ANAPC10: variants seen among roughly 807,000 people sequenced by gnomAD.
The protein encoded by ANAPC10 is anaphase promoting complex subunit 10.
In ANAPC10, 12 loss-of-function variants were observed where a neutral mutation model predicts 22.0. The observed-to-expected ratio is 0.55, with a 90% CI of 0.35 to 0.88. ANAPC10 has a LOEUF of 0.88. Ranked by LOEUF, ANAPC10 falls within the 40% of genes least tolerant of loss-of-function variation. The pLI, the probability that ANAPC10 is intolerant of heterozygous loss-of-function variation, is 0.01. For synonymous variants in ANAPC10, 65 were observed against 69.5 expected (o/e 0.94, Z 0.32); for missense variants, 188 against 220.9 (o/e 0.85, Z 0.94).
chr4:145,091,661 T>C (rs1488864829), intron 2 of ANAPC10, among the ~76,000 whole-genome samples: 1 of 152,176 alleles, frequency 6.6e-6, no homozygotes, highest in South Asian at 2.1e-4. Flanking sequence ...TGAACATACA[T>C]GTGCATGTAT....
intron 4 of ANAPC10, among the ~76,000 whole-genome samples, chr4:145,028,214 G>A (rs1737036371): frequency 6.6e-6 from 1 of 152,160 alleles, no homozygotes; most frequent in Non-Finnish European, 1.5e-5. Flanking sequence ...GAGGAAGGCA[G>A]ATCCAGCCTT....
intron 4 of ANAPC10, among the ~76,000 whole-genome samples, chr4:144,997,638 A>G (rs1353281839): frequency 6.6e-6 from 1 of 152,240 alleles, no homozygotes; most frequent in Middle Eastern, 3.2e-3. Context: ...GCCAAATTGT[A>G]AAGACCATCA....
At position 145,034,575 on chromosome 4, in the gene ANAPC10, G is replaced by GTGTGTGTGTA. The variant is rs750027962; in HGVS notation, c.327+29996_327+29997insTACACACACA. Among the ~76,000 whole-genome samples the GTGTGTGTGTA allele has an allele frequency of 1.2e-3, 147 of 125,594 alleles. 1 individual carries two copies. Among genetic ancestry groups the GTGTGTGTGTA allele is most frequent in the African/African-American group, 4.5e-3 (132 of 29,286 alleles). The allele number at this position is 125,594 out of a possible 152,430, so 82.4% of individuals were successfully genotyped here. A position where few individuals can be genotyped will look rare whatever the true frequency, so the allele number is the denominator to read the frequency against. ...TGTGTGTGTGTGTGTGTGTGTGTGTGTATATATCCCACATACATATCCTAT... is the reference window on the plus strand; with the variant it reads ...TGTGTGTGTGTGTGTGTGTGTGTGTGTGTGTGTGTATATATATCCCACATACATATCCTAT... On this transcript the variant is annotated intron_variant, in intron 4 of 4. Transcript: ENST00000507656.
intron 4 of ANAPC10, among the ~76,000 whole-genome samples, chr4:145,058,051 C>G (rs185188943): frequency 6.6e-6 from 1 of 152,152 alleles, no homozygotes; most frequent in Non-Finnish European, 1.5e-5. Context: ...TCTGCCATTA[C>G]GTACAATCTG....
At chr4:145,027,841 G>GA (rs1736985332) in intron 4 of ANAPC10, among the ~76,000 whole-genome samples, 1 of 152,140 alleles carries the variant, frequency 6.6e-6, no homozygotes, top group South Asian at 2.1e-4. Context: ...CCATGTGGAG[G>GA]ATGTAGTCCA....
chr4:144,997,838 C>G (rs1190939864), intron 4 of ANAPC10, among the ~76,000 whole-genome samples: 7 of 152,132 alleles, frequency 4.6e-5, no homozygotes, highest in Non-Finnish European at 1.0e-4. Context: ...GGAGACCCAT[C>G]TCACGTGCAG....
chr4:145,019,824 T>C (rs149973448), intron 4 of ANAPC10, among the ~76,000 whole-genome samples: 58 of 152,240 alleles, frequency 3.8e-4, no homozygotes, highest in African/African-American at 1.2e-3. Context: ...GGGCATAAAC[T>C]TGAAAACCTA....
intron 3 of ANAPC10, 50 bp downstream of exon 3, chr4:145,081,610 A>G (rs778991784): frequency 8.8e-7 from 1 of 1,136,746 alleles, no homozygotes; most frequent in Non-Finnish European, 1.3e-6. Context: ...AAATAGATTT[A>G]TTTGTCTATA....
At chr4:145,004,516 T>G (rs1239011119) in intron 4 of ANAPC10, among the ~76,000 whole-genome samples, 1 of 152,156 alleles carries the variant, frequency 6.6e-6, no homozygotes, top group African/African-American at 2.4e-5. Flanking sequence ...AGTATGTTCC[T>G]TCAATGCTTG....
At chr4:145,032,416 A>G (rs1737746768) in intron 4 of ANAPC10, among the ~76,000 whole-genome samples, 1 of 152,224 alleles carries the variant, frequency 6.6e-6, no homozygotes, top group Admixed American at 6.5e-5. Context: ...ATTGGTGACC[A>G]AGAAATTTAG....
At chr4:145,063,104 C>A (rs981576104) in intron 4 of ANAPC10, among the ~76,000 whole-genome samples, 16 of 152,068 alleles carry the variant, frequency 1.1e-4, no homozygotes, top group African/African-American at 3.6e-4. Context: ...ATAACAGTGA[C>A]TACATTAATA....
intron 2 of ANAPC10, among the ~76,000 whole-genome samples, chr4:145,082,646 C>CT (rs1360855656): frequency 6.6e-6 from 1 of 152,152 alleles, no homozygotes; most frequent in Admixed American, 6.5e-5. Context: ...CCAAATGCTT[C>CT]TGATTAAAAT....
At chr4:145,039,141 A>C (rs966128670) in intron 4 of ANAPC10, among the ~76,000 whole-genome samples, 1 of 150,820 alleles carries the variant, frequency 6.6e-6, no homozygotes, top group Non-Finnish European at 1.5e-5. Context: ...GTCACATGCA[A>C]AGCATCAGAA....
Position 145,026,758 on chromosome 4 carries a change from A to T in ANAPC10, c.328-31155T>A, listed in dbSNP as rs948823717. On this transcript the variant is annotated intron_variant, in intron 4 of 4. Coordinates refer to ENST00000507656, the MANE Select transcript of ANAPC10 (RefSeq NM_001256706.2). Reference sequence around the variant, plus strand: ...CTCCAAAGAGAGGCAGTGAAGAAGTACAAGAATTTAAAAAACAAAAACAAA... The same window carrying T: ...CTCCAAAGAGAGGCAGTGAAGAAGTTCAAGAATTTAAAAAACAAAAACAAA... Among the ~76,000 whole-genome samples the T allele has an allele frequency of 7.8e-4, 118 of 150,644 alleles. 1 individual carries two copies. Among genetic ancestry groups the T allele is most frequent in the Admixed American group, 2.8e-3 (42 of 15,040 alleles).
intron 4 of ANAPC10, among the ~76,000 whole-genome samples, chr4:145,019,788 T>C (rs1219015859): frequency 6.6e-6 from 1 of 152,078 alleles, no homozygotes. Flanking sequence ...CAAAAGATCA[T>C]TCAAGGCTAC....
intron 3 of ANAPC10, 132 bp from the exon 4 acceptor site, chr4:145,064,824 T>C (rs1743437408): frequency 2.6e-6 from 2 of 778,848 alleles, no homozygotes; most frequent in Admixed American, 6.3e-5. Flanking sequence ...TATCTTTTAA[T>C]TTCAACAAAA....
At chr4:145,004,527 A>T (rs1471316760) in intron 4 of ANAPC10, among the ~76,000 whole-genome samples, 1 of 151,946 alleles carries the variant, frequency 6.6e-6, no homozygotes, top group Admixed American at 6.6e-5. Context: ...TCAATGCTTG[A>T]TTTGTTGAGG....
chr4:145,052,744 C>T (rs1039281899), intron 4 of ANAPC10, among the ~76,000 whole-genome samples: 14 of 151,918 alleles, frequency 9.2e-5, no homozygotes, highest in African/African-American at 3.4e-4. Context: ...AAAAATTAGC[C>T]AGGTGTGGTG....
intron 4 of ANAPC10, among the ~76,000 whole-genome samples, chr4:145,054,636 TGTGTGCGCGC>T (rs1395556313): frequency 5.0e-5 from 5 of 100,756 alleles, no homozygotes; most frequent in Non-Finnish European, 9.7e-5. Flanking sequence ...TGTGTGTGTG[TGTGTGCGCGC>T]GCGCGCGCGT....
Sources: gnomAD v4.1 joint callset for allele counts (sites outside exome capture counted in the v4.1 genomes callset) on GRCh38, gnomAD v4.1.1 for gene constraint, MANE v1.5 for transcripts, NCBI Gene and HGNC (gene_info 2026-07-23, HGNC 2026-07-21) for gene names.